PDE4D: variants seen among roughly 807,000 people sequenced by gnomAD.
PDE4D encodes 3',5'-cyclic-AMP phosphodiesterase 4D.
A neutral mutation model predicts 87.4 loss-of-function variants in PDE4D; 24 were observed. That is an observed-to-expected ratio of 0.27 (90% CI 0.20 to 0.39). The LOEUF (loss-of-function observed/expected upper bound fraction) is 0.39, where lower values mean the gene tolerates loss of function less well. PDE4D is among the 10% of genes least tolerant of loss of function. The pLI is 1.00. For missense variants in PDE4D, 714 were observed against 1,041.0 expected (o/e 0.69, Z 4.32); for synonymous variants, 384 against 383.2 (o/e 1.00, Z -0.02).
chr5:59,844,224 C>T (rs1338069463), intron 1 of PDE4D, among the ~76,000 whole-genome samples: 1 of 152,018 alleles, frequency 6.6e-6, no homozygotes, highest in Non-Finnish European at 1.5e-5. Context: ...TAAGAGAATA[C>T]ATATTTATTG....
chr5:60,225,802 T>C (rs754367634), intron 1 of PDE4D, among the ~76,000 whole-genome samples: 48 of 152,238 alleles, frequency 3.2e-4, no homozygotes, highest in Non-Finnish European at 6.8e-4. Context: ...TCTTATGAGA[T>C]AGATCATATT....
intron 5 of PDE4D, among the ~76,000 whole-genome samples, chr5:59,067,203 G>A (rs1238449881): frequency 6.6e-6 from 1 of 151,648 alleles, no homozygotes; most frequent in Non-Finnish European, 1.5e-5. Context: ...TTTTAGTAGA[G>A]ATTAGGTTTC....
At chr5:59,197,592 G>A (rs929825751) in intron 2 of PDE4D, among the ~76,000 whole-genome samples, 2 of 152,130 alleles carry the variant, frequency 1.3e-5, no homozygotes, top group Non-Finnish European at 2.9e-5. Flanking sequence ...GATCTTTTCA[G>A]ACATACTGTC....
intron 1 of PDE4D, among the ~76,000 whole-genome samples, chr5:59,588,550 C>G (rs980329642): frequency 2.6e-5 from 4 of 152,110 alleles, no homozygotes; most frequent in African/African-American, 7.2e-5. Flanking sequence ...CAGTGAGGTC[C>G]TGTCATTGCA....
intron 1 of PDE4D, among the ~76,000 whole-genome samples, chr5:59,368,379 T>C (rs1442240457): frequency 1.3e-5 from 2 of 152,148 alleles, no homozygotes; most frequent in East Asian, 3.9e-4. Flanking sequence ...ATCTTAAAAA[T>C]ATGGAGACAT....
chr5:60,182,645 G>A (rs1010942776), intron 2 of PDE4D, among the ~76,000 whole-genome samples: 4 of 152,048 alleles, frequency 2.6e-5, no homozygotes, highest in Admixed American at 6.6e-5. Flanking sequence ...TTGGGAAGCC[G>A]AGGCGGGCGG....
chr5:59,224,112 C>T lies in PDE4D; in HGVS notation c.456-8144G>A, dbSNP rs142779978. ...ACCAGCCTGGGCAACATGATGAAAC[C>T]CTGTTTCTACAAAAAAAAAAAAAAA... is the stretch of plus-strand genomic sequence containing the variant. On this transcript the variant is annotated intron_variant, in intron 1 of 14. Transcript: ENST00000340635. Among the ~76,000 whole-genome samples, 747 of 134,930 alleles carry T rather than the reference C, an allele frequency of 5.5e-3. 13 individuals are homozygous for T. The highest frequency in any genetic ancestry group is 0.05 in the East Asian group (248 of 4,912). The allele number at this position is 134,930 out of a possible 152,430, so 88.5% of individuals were successfully genotyped here. A position where few individuals can be genotyped will look rare whatever the true frequency, so the allele number is the denominator to read the frequency against.
chr5:60,485,034 C>T (rs764206135), intron 1 of PDE4D, among the ~76,000 whole-genome samples: 9 of 152,162 alleles, frequency 5.9e-5, no homozygotes, highest in Non-Finnish European at 1.0e-4. Flanking sequence ...AAATGTTCTG[C>T]TTCTTGAAAT....
In PDE4D at chr5:59,141,512, A is replaced by C. The variant is rs1228552165; in HGVS notation, c.808+39083T>G. Among the ~76,000 whole-genome samples, 28 of 152,192 alleles carry C rather than the reference A, an allele frequency of 1.8e-4. 1 individual carries two copies. Among genetic ancestry groups the C allele is most frequent in the Admixed American group, 1.8e-3 (28 of 15,278 alleles). On this transcript the variant is annotated intron_variant, in intron 5 of 14. Transcript: ENST00000340635. ...GTGAAAGGCTTCTCCTGGAAAGTAA[A>C]TGTGGTTAAGAGCCAACCAGGTGAG...
At chr5:59,981,165 T>C (rs1241534693) in intron 3 of PDE4D, among the ~76,000 whole-genome samples, 3 of 152,036 alleles carry the variant, frequency 2.0e-5, no homozygotes, top group African/African-American at 4.8e-5. Context: ...GGCAGGAGAA[T>C]CGCTTGAACC....
At chr5:59,778,430 T>A (rs1245844887) in intron 1 of PDE4D, among the ~76,000 whole-genome samples, 1 of 152,242 alleles carries the variant, frequency 6.6e-6, no homozygotes, top group African/African-American at 2.4e-5. Context: ...CAATTTGAAT[T>A]TCTTTCTGAA....
intron 1 of PDE4D, among the ~76,000 whole-genome samples, chr5:60,234,065 A>G (rs1355375318): frequency 1.3e-5 from 2 of 151,824 alleles, no homozygotes. Context: ...AATCAAATCA[A>G]TAACATTTAA....
intron 1 of PDE4D, among the ~76,000 whole-genome samples, chr5:59,455,139 G>A (rs560673064): frequency 7.2e-5 from 11 of 152,286 alleles, no homozygotes; most frequent in African/African-American, 2.4e-4. Context: ...CACAAGTAAC[G>A]GGGAACCAAT....
At chr5:59,031,390 TA>T (rs1561348109) in intron 6 of PDE4D, among the ~76,000 whole-genome samples, 21 of 45,248 alleles carry the variant, frequency 4.6e-4, no homozygotes, top group Non-Finnish European at 6.9e-4. Context: ...TATATATATA[TA>T]TTATATATAT....
intron 3 of PDE4D, among the ~76,000 whole-genome samples, chr5:59,953,873 A>G (rs1044950194): frequency 2.0e-5 from 3 of 152,220 alleles, no homozygotes; most frequent in Non-Finnish European, 4.4e-5. Context: ...ATTAAATGTT[A>G]GACCCCACTT....
At chr5:59,500,463 T>A (rs988722130) in intron 1 of PDE4D, among the ~76,000 whole-genome samples, 2 of 152,164 alleles carry the variant, frequency 1.3e-5, no homozygotes, top group Admixed American at 1.3e-4. Flanking sequence ...GCAACATGGA[T>A]GGAACTGGAG....
chr5:60,405,162 GA>G (rs1017605393), intron 1 of PDE4D, among the ~76,000 whole-genome samples: 4 of 152,204 alleles, frequency 2.6e-5, no homozygotes, highest in African/African-American at 9.7e-5. Context: ...AGAATGCCAA[GA>G]GTAAGGTGAA....
At chr5:59,668,910 AAG>A (rs1746679442) in intron 1 of PDE4D, among the ~76,000 whole-genome samples, 2 of 75,212 alleles carry the variant, frequency 2.7e-5, no homozygotes, top group African/African-American at 6.1e-5. Context: ...GAAGAAGAAG[AAG>A]AAGAAGAAGA....
intron 1 of PDE4D, among the ~76,000 whole-genome samples, chr5:60,219,598 A>G (rs1744260961): frequency 6.6e-6 from 1 of 152,326 alleles, no homozygotes. Context: ...TCTCACAAAG[A>G]GAATTTCAGT....
Sources: gnomAD v4.1 joint callset for allele counts (sites outside exome capture counted in the v4.1 genomes callset) on GRCh38, gnomAD v4.1.1 for gene constraint, MANE v1.5 for transcripts, NCBI Gene and HGNC (gene_info 2026-07-23, HGNC 2026-07-21) for gene names.